The following GALNTL6 variants were observed in gnomAD, a reference collection of about 807,000 sequenced individuals.
GALNTL6 encodes polypeptide N-acetylgalactosaminyltransferase-like 6.
In GALNTL6, 46 loss-of-function variants were observed where a neutral mutation model predicts 73.7. That is an observed-to-expected ratio of 0.62 (90% confidence interval 0.49 to 0.80). GALNTL6 has a LOEUF of 0.80. Among genes scored for constraint, GALNTL6 ranks in the 30% least tolerant of loss-of-function variants. The pLI is 0.00. For missense variants in GALNTL6, 604 were observed against 755.0 expected (o/e 0.80, Z 2.34); for synonymous variants, 259 against 263.7 (o/e 0.98, Z 0.17).
At chr4:172,057,074 A>G (rs781193512) in intron 2 of GALNTL6, among the ~76,000 whole-genome samples, 20 of 152,152 alleles carry the variant, frequency 1.3e-4, no homozygotes, top group Non-Finnish European at 2.1e-4. Context: ...AAGAACGCAT[A>G]AACTTTTGCC....
intron 4 of GALNTL6, among the ~76,000 whole-genome samples, chr4:172,336,670 G>A (rs1191246591): frequency 1.3e-5 from 2 of 152,118 alleles, no homozygotes; most frequent in Non-Finnish European, 2.9e-5. Context: ...AATGCATGTG[G>A]CCAGTCTTGG....
intron 5 of GALNTL6, among the ~76,000 whole-genome samples, chr4:172,385,487 T>C (rs1031217708): frequency 7.2e-5 from 11 of 152,158 alleles, no homozygotes; most frequent in African/African-American, 2.7e-4. Context: ...ATACTTGTTA[T>C]GTATTGCTGA....
At chr4:172,955,848 G>A (rs1306943904) in intron 10 of GALNTL6, among the ~76,000 whole-genome samples, 7 of 151,978 alleles carry the variant, frequency 4.6e-5, no homozygotes, top group Admixed American at 3.3e-4. Context: ...TGGCACGGGT[G>A]GGGGTCACAA....
At chr4:172,546,790 ATATATACG>A (rs1735773228) in intron 5 of GALNTL6, among the ~76,000 whole-genome samples, 1 of 37,512 alleles carries the variant, frequency 2.7e-5, no homozygotes, top group Non-Finnish European at 6.4e-5. Flanking sequence ...CGCTTTATAT[ATATATACG>A]TATATATACG....
At chr4:172,074,153 TC>T (rs2110907937) in intron 2 of GALNTL6, among the ~76,000 whole-genome samples, 1 of 152,326 alleles carries the variant, frequency 6.6e-6, no homozygotes, top group Admixed American at 6.5e-5. Context: ...TTTATATTCC[TC>T]CTTCAGATAA....
At chr4:172,975,068 G>T (rs1750745724) in intron 10 of GALNTL6, among the ~76,000 whole-genome samples, 1 of 152,194 alleles carries the variant, frequency 6.6e-6, no homozygotes, top group South Asian at 2.1e-4. Context: ...AGCAGGGGAT[G>T]GGTGTGTGTT....
At position 173,041,527 on chromosome 4, in the gene GALNTL6, T is replaced by A. The variant is rs1249754305; in HGVS notation, c.*1427T>A. The stretch of plus-strand genomic sequence containing the variant: ...CTTTCTTTTTGGTTTTTGTTTGAAG[T>A]TGGTTTTCCTGTTAATAAAAATTTA... On this transcript the variant is annotated 3_prime_UTR_variant, in exon 13 of 13. Coordinates refer to ENST00000506823, the MANE Select transcript of GALNTL6 (RefSeq NM_001034845.3). The A allele has an allele frequency of 1.3e-5, 2 of 152,152 alleles. No homozygotes were observed. The highest frequency in any genetic ancestry group is 2.9e-5 in the Non-Finnish European group (2 of 68,018). 9.4% of individuals were successfully genotyped at this position (152,152 alleles called of 1,614,324 possible).
At chr4:171,887,567 A>G (rs1361418512) in intron 2 of GALNTL6, among the ~76,000 whole-genome samples, 1 of 152,210 alleles carries the variant, frequency 6.6e-6, no homozygotes, top group Non-Finnish European at 1.5e-5. Context: ...ACACAGTGGT[A>G]AGATAATTAT....
At chr4:171,998,409 A>C (rs1030667985) in intron 2 of GALNTL6, among the ~76,000 whole-genome samples, 1 of 152,048 alleles carries the variant, frequency 6.6e-6, no homozygotes, top group Non-Finnish European at 1.5e-5. Flanking sequence ...GCCTCTCCAC[A>C]TAGTCTCCTG....
intron 5 of GALNTL6, among the ~76,000 whole-genome samples, chr4:172,415,879 A>T (rs1029766075): frequency 6.6e-6 from 1 of 152,138 alleles, no homozygotes; most frequent in Non-Finnish European, 1.5e-5. Context: ...CAATGTCTGG[A>T]ATCTATAAAT....
intron 2 of GALNTL6, among the ~76,000 whole-genome samples, chr4:172,148,483 T>C (rs532671662): frequency 6.6e-6 from 1 of 152,300 alleles, no homozygotes; most frequent in East Asian, 1.9e-4. Flanking sequence ...TATCTGGCCA[T>C]CCAAAAATGG....
At position 172,430,516 on chromosome 4, in the gene GALNTL6, G is replaced by A. The variant is rs114271840; in HGVS notation, c.553+81827G>A. Among the ~76,000 whole-genome samples the A allele has an allele frequency of 8.3e-3, 1,265 of 152,188 alleles. 8 individuals carry two copies. Among genetic ancestry groups the A allele is most frequent in the Non-Finnish European group, 0.013 (912 of 68,024 alleles). On this transcript the variant is annotated intron_variant, in intron 5 of 12. Transcript: ENST00000506823. ...CTCAAGTAAATTAATTGGTTCACAT[G>A]TTTTATAAGTTATAATACATGAATG...
chr4:172,288,294 T>C (rs1739337828), intron 3 of GALNTL6, among the ~76,000 whole-genome samples: 1 of 152,084 alleles, frequency 6.6e-6, no homozygotes, highest in South Asian at 2.1e-4. Flanking sequence ...GGTTTCACTG[T>C]GTTAGCCAGG....
chr4:172,969,130 C>T (rs758150807), intron 10 of GALNTL6, among the ~76,000 whole-genome samples: 2 of 151,942 alleles, frequency 1.3e-5, no homozygotes, highest in African/African-American at 2.4e-5. Flanking sequence ...TGATATGAAA[C>T]ATCATTTTAT....
intron 5 of GALNTL6, among the ~76,000 whole-genome samples, chr4:172,406,934 T>C (rs1744259758): frequency 6.6e-6 from 1 of 152,058 alleles, no homozygotes; most frequent in Non-Finnish European, 1.5e-5. Flanking sequence ...GTCCAGTTTA[T>C]CTTGTTCTCT....
chr4:172,214,788 C>G (rs939614134), intron 2 of GALNTL6, among the ~76,000 whole-genome samples: 10 of 152,106 alleles, frequency 6.6e-5, no homozygotes, highest in African/African-American at 2.4e-4. Context: ...GCTGGAATAA[C>G]AGATGTGAGG....
chr4:172,469,451 A>AT (rs1196762175), intron 5 of GALNTL6, among the ~76,000 whole-genome samples: 4 of 149,476 alleles, frequency 2.7e-5, no homozygotes, highest in Non-Finnish European at 1.5e-5. Context: ...ACAAAAAATA[A>AT]AAAAAAAAAA....
At chr4:171,850,274 T>C (rs538753165) in intron 2 of GALNTL6, among the ~76,000 whole-genome samples, 11 of 152,256 alleles carry the variant, frequency 7.2e-5, no homozygotes, top group African/African-American at 2.4e-4. Context: ...TGTATTACAG[T>C]TGGGCCCTAT....
At chr4:172,106,790 G>A (rs1732686437) in intron 2 of GALNTL6, among the ~76,000 whole-genome samples, 2 of 152,136 alleles carry the variant, frequency 1.3e-5, no homozygotes, top group East Asian at 3.8e-4. Context: ...ACAAAAAAAG[G>A]GACCAACTAT....
Sources: allele counts gnomAD v4.1 joint callset (sites outside exome capture counted in the v4.1 genomes callset), GRCh38; gene constraint gnomAD v4.1.1; transcripts MANE v1.5; gene names NCBI Gene and HGNC (gene_info 2026-07-23, HGNC 2026-07-21).